The following SLC30A6 variants were observed in gnomAD, a reference collection of about 807,000 sequenced individuals.
SLC30A6 encodes zinc transporter 6.
A neutral mutation model predicts 63.0 loss-of-function variants in SLC30A6; 55 were observed. That is an observed-to-expected ratio of 0.87 (90% CI 0.70 to 1.09). SLC30A6 has a LOEUF of 1.09. Among genes scored for constraint, SLC30A6 ranks in the 50% least tolerant of loss-of-function variants. SLC30A6 has a pLI of 0.00. For missense variants in SLC30A6, 587 were observed against 549.2 expected (o/e 1.07, Z -0.69); for synonymous variants, 224 against 186.1 (o/e 1.20, Z -1.66).
Position 32,203,440 on chromosome 2 carries a change from A to G in SLC30A6, c.666-1150A>G, listed in dbSNP as rs536271138. On this transcript the variant is annotated intron_variant, in intron 10 of 13. Coordinates refer to ENST00000282587, the MANE Select transcript of SLC30A6 (RefSeq NM_017964.5). Reference sequence around the variant, plus strand: ...ATGCTGCTGTTGATTTTTTCCAACCATCAGCTCAGATACTGACAGAAGAGA... The same window carrying G: ...ATGCTGCTGTTGATTTTTTCCAACCGTCAGCTCAGATACTGACAGAAGAGA... 1.1e-3 allele frequency: 1,739 copies of G among 1,519,514 alleles called. 35 individuals are homozygous for G. The South Asian group carries it at 0.019, about 16-fold the overall frequency. The allele number at this position is 1,519,514 out of a possible 1,614,324, so 94.1% of individuals were successfully genotyped here.
chr2:32,174,229 A>C lies in SLC30A6; in HGVS notation c.175+82A>C. ...GGAAATAAAGGTATATCTTACATAG[A>C]ATATATTATTCTGAAATGTATATAA... On this transcript the variant is annotated intron_variant, in intron 3 of 13. Transcript: ENST00000282587. The C allele has an allele frequency of 4.0e-6, 4 of 994,210 alleles. No individual in the cohort carries two copies. The Admixed American group carries it at 6.8e-5, about 17-fold the overall frequency. The allele number at this position is 994,210 out of a possible 1,614,324, so 61.6% of individuals were successfully genotyped here.
At chr2:32,197,945 T>G in intron 10 of SLC30A6, 119 bp downstream of exon 10, 1 of 1,200,240 alleles carries the variant, frequency 8.3e-7, no homozygotes, top group Non-Finnish European at 1.2e-6. Flanking sequence ...CTGTGTAACT[T>G]AGATCACATC....
At chr2:32,184,374 G>A in intron 5 of SLC30A6, 36 bp downstream of exon 5, 1 of 1,233,540 alleles carries the variant, frequency 8.1e-7, no homozygotes, top group Non-Finnish European at 1.1e-6. Flanking sequence ...GCTAACTTAT[G>A]ACTACTAAAA....
chr2:32,214,856 T>G (rs1685566139), intron 13 of SLC30A6, among the ~76,000 whole-genome samples: 2 of 152,216 alleles, frequency 1.3e-5, no homozygotes, highest in Non-Finnish European at 2.9e-5. Flanking sequence ...ATGGCATCTT[T>G]AATACTTAGG....
At chr2:32,170,216 C>G (rs1005911256) in intron 1 of SLC30A6, among the ~76,000 whole-genome samples, 27 of 152,066 alleles carry the variant, frequency 1.8e-4, no homozygotes, top group Admixed American at 5.9e-4. Flanking sequence ...GTCAAGTACT[C>G]TATAAATCTG....
chr2:32,203,043 G>A, intron 10 of SLC30A6: 2 of 1,238,322 alleles, frequency 1.6e-6, no homozygotes, highest in Non-Finnish European at 2.4e-6. Context: ...AAAACAGAAT[G>A]CCCAGTGTTT....
At chr2:32,216,741 A>G (rs938479039) in intron 13 of SLC30A6, among the ~76,000 whole-genome samples, 26 of 150,490 alleles carry the variant, frequency 1.7e-4, no homozygotes, top group African/African-American at 6.4e-4. Context: ...TTTTTTTCCC[A>G]TTTTTTAATG....
Position 32,216,493 on chromosome 2 carries a change from G to A in SLC30A6, c.886-3720G>A, listed in dbSNP as rs575361625. On this transcript the variant is annotated intron_variant, in intron 13 of 13. Transcript: ENST00000282587. The stretch of plus-strand genomic sequence containing the variant: ...GGAGGTTGCTGTGAGCTGACATTGC[G>A]CCACTGCACTCCAGCCTGGGCAAGA... 1.5e-4 allele frequency among the ~76,000 whole-genome samples: 23 copies of A among 151,538 alleles called. 1 individual carries two copies. The highest frequency in any genetic ancestry group is 3.9e-4 in the East Asian group (2 of 5,126).
At chr2:32,166,262 A>G (rs940008340) in intron 1 of SLC30A6, among the ~76,000 whole-genome samples, 8 of 152,138 alleles carry the variant, frequency 5.3e-5, no homozygotes, top group African/African-American at 1.2e-4. Flanking sequence ...CACAGCAACA[A>G]CTGTAATAGT....
At position 32,206,902 on chromosome 2, in the gene SLC30A6, T is replaced by C; in HGVS notation, c.785T>C (p.Val262Ala). The change falls in exon 12 of 14, where the codon GTT becomes GCT. Residue 262 changes from valine to alanine, a missense_variant. Coordinates refer to ENST00000282587, the MANE Select transcript of SLC30A6 (RefSeq NM_017964.5). The part of the protein sequence containing the change: ...KVLLQTTPPH[V>A]IGQLDKLIRE... The stretch of plus-strand genomic sequence containing the variant: ...TTTCCCCAGACAACACCACCCCATG[T>C]TATTGGTCAGTTGGACAAACTCATC... 6.2e-7 allele frequency: 1 copy of C among 1,611,678 alleles called. No homozygotes were observed. The highest frequency in any genetic ancestry group is 8.5e-7 in the Non-Finnish European group (1 of 1,177,854).
At chr2:32,172,983 A>G (rs1558369356) in intron 2 of SLC30A6, among the ~76,000 whole-genome samples, 2 of 152,176 alleles carry the variant, frequency 1.3e-5, no homozygotes, top group Non-Finnish European at 2.9e-5. Flanking sequence ...ACAAGCTTTC[A>G]GTTCTTCTCT....
At chr2:32,168,956 A>T (rs1380735888) in intron 1 of SLC30A6, among the ~76,000 whole-genome samples, 2 of 152,192 alleles carry the variant, frequency 1.3e-5, no homozygotes, top group East Asian at 3.8e-4. Context: ...ATGGCATCAG[A>T]AGTGGCTTTC....
chr2:32,200,071 CAT>C lies in SLC30A6; in HGVS notation c.665+2251_665+2252del, dbSNP rs201738318. Among the ~76,000 whole-genome samples the C allele has an allele frequency of 8.9e-3, 1,346 of 151,212 alleles. 23 individuals are homozygous for C. Among genetic ancestry groups the C allele is most frequent in the African/African-American group, 0.031 (1,270 of 41,008 alleles). On this transcript the variant is annotated intron_variant, in intron 10 of 13. Coordinates refer to ENST00000282587, the MANE Select transcript of SLC30A6 (RefSeq NM_017964.5). ...TGGAGGAGGTTATATATATATGAGA[CAT>C]ATATACACACACACACACACACAAA...
chr2:32,198,652 C>T (rs1684005768), intron 10 of SLC30A6, among the ~76,000 whole-genome samples: 1 of 152,198 alleles, frequency 6.6e-6, no homozygotes, highest in Admixed American at 6.5e-5. Context: ...GGCATGATCT[C>T]AGCTCACTGC....
chr2:32,192,077 GAGAA>G (rs1345608325), intron 5 of SLC30A6, among the ~76,000 whole-genome samples: 2 of 151,122 alleles, frequency 1.3e-5, no homozygotes, highest in Admixed American at 6.6e-5. Flanking sequence ...TTTCTGGAAA[GAGAA>G]AGCCTCTGAC....
chr2:32,221,321 A>G lies in SLC30A6; in HGVS notation c.*608A>G, dbSNP rs1471184743. 1 of 153,350 alleles carries G rather than the reference A, an allele frequency of 6.5e-6. No homozygotes were observed. The highest frequency in any genetic ancestry group is 1.4e-5 in the Non-Finnish European group (1 of 69,028). The allele number at this position is 153,350 out of a possible 1,614,324, so 9.5% of individuals were successfully genotyped here. A position where few individuals can be genotyped will look rare whatever the true frequency, so the allele number is the denominator to read the frequency against. On this transcript the variant is annotated 3_prime_UTR_variant, in exon 14 of 14. Transcript: ENST00000282587. ...ATTACAGGCACCTGCCACCACGCCC[A>G]GCTAATTTTTGTATTTTTAGTAAAG...
chr2:32,170,488 A>G (rs1681101643), intron 1 of SLC30A6, among the ~76,000 whole-genome samples: 2 of 152,164 alleles, frequency 1.3e-5, no homozygotes, highest in South Asian at 4.1e-4. Context: ...TATCTTTACT[A>G]TCCCCAAACT....
At chr2:32,172,279 T>C (rs186200864) in intron 2 of SLC30A6, among the ~76,000 whole-genome samples, 6 of 152,350 alleles carry the variant, frequency 3.9e-5, no homozygotes, top group Admixed American at 2.6e-4. Context: ...GGCACTCCAA[T>C]TGAAACTCTG....
At chr2:32,166,588 T>C (rs987009880) in intron 1 of SLC30A6, among the ~76,000 whole-genome samples, 4 of 152,280 alleles carry the variant, frequency 2.6e-5, no homozygotes, top group African/African-American at 9.6e-5. Flanking sequence ...TATATAGCTC[T>C]GAACTTTAAA....
Sources: gnomAD v4.1 joint callset for allele counts (sites outside exome capture counted in the v4.1 genomes callset) on GRCh38, gnomAD v4.1.1 for gene constraint, MANE v1.5 for transcripts, NCBI Gene and HGNC (gene_info 2026-07-23, HGNC 2026-07-21) for gene names.